Variants in SND1 observed in about 807,000 individuals in gnomAD.
SND1 encodes the protein staphylococcal nuclease domain-containing protein 1.
A neutral mutation model predicts 121.7 loss-of-function variants in SND1; 38 were observed. The ratio of observed to expected loss-of-function variants is 0.31; its 90% confidence interval spans 0.24 to 0.41. SND1 has a LOEUF of 0.41. Among genes scored for constraint, SND1 ranks in the 10% least tolerant of loss-of-function variants. SND1 has a pLI of 1.00. For synonymous variants in SND1, 401 were observed against 447.4 expected (o/e 0.90, Z 1.31); for missense variants, 868 against 1,184.6 (o/e 0.73, Z 3.92).
At chr7:127,715,175 T>C (rs1796365543) in intron 9 of SND1, among the ~76,000 whole-genome samples, 1 of 151,896 alleles carries the variant, frequency 6.6e-6, no homozygotes, top group Non-Finnish European at 1.5e-5. Flanking sequence ...TTTTTTTTTT[T>C]TATAGTGGCC....
At chr7:127,791,944 CT>C (rs1160775323) in intron 10 of SND1, among the ~76,000 whole-genome samples, 1 of 152,198 alleles carries the variant, frequency 6.6e-6, no homozygotes, top group Non-Finnish European at 1.5e-5. Flanking sequence ...TGAATGCAGC[CT>C]TCCTGTGATT....
intron 10 of SND1, among the ~76,000 whole-genome samples, chr7:127,781,501 AT>A (rs1797721077): frequency 6.6e-6 from 1 of 152,216 alleles, no homozygotes; most frequent in Admixed American, 6.6e-5. Flanking sequence ...CCTCCCAGTT[AT>A]GCCAAGTTGC....
At chr7:127,948,233 T>C (rs1302035992) in intron 15 of SND1, among the ~76,000 whole-genome samples, 2 of 152,206 alleles carry the variant, frequency 1.3e-5, no homozygotes, top group Non-Finnish European at 2.9e-5. Context: ...CTGATTCTCA[T>C]TGTCTGCCTT....
chr7:127,978,738 G>A (rs1032230223), intron 15 of SND1, among the ~76,000 whole-genome samples: 1 of 152,038 alleles, frequency 6.6e-6, no homozygotes, highest in Non-Finnish European at 1.5e-5. Context: ...GCTGTCACCT[G>A]TACTGATAAC....
intron 16 of SND1, among the ~76,000 whole-genome samples, chr7:128,022,631 C>T (rs1803383313): frequency 6.6e-6 from 1 of 152,250 alleles, no homozygotes; most frequent in African/African-American, 2.4e-5. Flanking sequence ...TTATATAACA[C>T]TCTTCCTCTG....
At chr7:127,899,711 T>G (rs185389169) in intron 13 of SND1, among the ~76,000 whole-genome samples, 1 of 152,290 alleles carries the variant, frequency 6.6e-6, no homozygotes, top group Admixed American at 6.5e-5. Flanking sequence ...GTGGGAGTGG[T>G]GTGCAATATT....
intron 16 of SND1, among the ~76,000 whole-genome samples, chr7:127,992,808 T>C (rs1802551137): frequency 6.6e-6 from 1 of 152,064 alleles, no homozygotes; most frequent in African/African-American, 2.4e-5. Context: ...CTAAAAGGAG[T>C]GAGTGGCCCA....
intron 16 of SND1, among the ~76,000 whole-genome samples, chr7:128,026,400 A>G (rs892141366): frequency 3.9e-5 from 6 of 152,158 alleles, no homozygotes; most frequent in Non-Finnish European, 7.4e-5. Context: ...TTCTTAGCCA[A>G]CTGCTGCAAA....
intron 11 of SND1, among the ~76,000 whole-genome samples, chr7:127,837,321 C>T (rs1356123456): frequency 6.6e-6 from 1 of 151,926 alleles, no homozygotes; most frequent in African/African-American, 2.4e-5. Context: ...AGATTTAATA[C>T]AAAAAAAGAT....
chr7:128,086,007 G>A (rs1793682352), intron 20 of SND1, among the ~76,000 whole-genome samples: 1 of 152,222 alleles, frequency 6.6e-6, no homozygotes, highest in Non-Finnish European at 1.5e-5. Flanking sequence ...AGACCCCACG[G>A]ATGAGTGTCC....
intron 9 of SND1, among the ~76,000 whole-genome samples, chr7:127,714,843 A>G (rs1034762999): frequency 6.6e-6 from 1 of 152,246 alleles, no homozygotes; most frequent in Non-Finnish European, 1.5e-5. Context: ...TTTTAAGGGT[A>G]AATAATATTC....
At position 127,939,543 on chromosome 7, in the gene SND1, G is replaced by A. The variant is rs188175948; in HGVS notation, c.1669+10214G>A. Among the ~76,000 whole-genome samples the A allele has an allele frequency of 6.6e-5, 10 of 152,216 alleles. No homozygotes were observed. In the South Asian group the frequency reaches 1.7e-3, roughly 25 times the overall value. ...TCCTGCTTCCTAATTAATTATTTCCGTCAGACTGGCCTGCTTATCTTGGTG... is the reference window on the plus strand; with the variant it reads ...TCCTGCTTCCTAATTAATTATTTCCATCAGACTGGCCTGCTTATCTTGGTG... On this transcript the variant is annotated intron_variant, in intron 15 of 23. Transcript: ENST00000354725.
At chr7:127,918,246 A>G (rs1800628401) in intron 14 of SND1, among the ~76,000 whole-genome samples, 1 of 150,142 alleles carries the variant, frequency 6.7e-6, no homozygotes, top group Admixed American at 6.6e-5. Flanking sequence ...TTTTTTTTTC[A>G]GTAGAGAAGG....
intron 10 of SND1, among the ~76,000 whole-genome samples, chr7:127,771,640 C>T (rs538095574): frequency 1.3e-5 from 2 of 152,222 alleles, no homozygotes; most frequent in African/African-American, 4.8e-5. Context: ...AAGCACCCCC[C>T]TATACACATA....
intron 11 of SND1, among the ~76,000 whole-genome samples, chr7:127,822,819 C>G (rs1308018667): frequency 2.0e-5 from 3 of 152,152 alleles, no homozygotes; most frequent in African/African-American, 7.2e-5. Context: ...CATTTAATAT[C>G]ATTGAATGTT....
intron 11 of SND1, among the ~76,000 whole-genome samples, chr7:127,822,326 A>G (rs1014801814): frequency 1.1e-4 from 16 of 152,178 alleles, no homozygotes; most frequent in Admixed American, 2.0e-4. Context: ...TTTCAATTCT[A>G]TGTGCTTACA....
chr7:127,807,520 C>T lies in SND1; in HGVS notation c.1189C>T (p.Pro397Ser). 6.2e-7 allele frequency: 1 copy of T among 1,613,986 alleles called. No homozygotes were observed. Among genetic ancestry groups the T allele is most frequent in the South Asian group, 1.1e-5 (1 of 91,080 alleles). Residue 397 changes from proline (P) to serine (S), a missense_variant, in exon 11 of 24, where the codon CCT (proline) becomes TCT (serine). Pro to Ser is a moderately conservative substitution (Grantham distance 74). Around this residue, in one of 2 missense-constraint regions of SND1, gnomAD observed 743 missense variants for 1,071.3 expected, o/e 0.69. Coordinates refer to ENST00000354725, the MANE Select transcript of SND1 (RefSeq NM_014390.4). ...GAAACTGCGTCCCCTGTATGACATT[C>T]CTTACATGTTTGAGGCCCGGGAATT... The part of the protein sequence containing the change: ...NKKLRPLYDI[P>S]YMFEAREFLR...
At chr7:128,065,123 G>A (rs369292405) in intron 16 of SND1, among the ~76,000 whole-genome samples, 8 of 152,214 alleles carry the variant, frequency 5.3e-5, no homozygotes, top group Non-Finnish European at 1.2e-4. Context: ...GTTAGATGCC[G>A]GTGAAAAAGG....
chr7:128,028,761 A>G, intron 16 of SND1: 1 of 1,614,010 alleles, frequency 6.2e-7, no homozygotes. Flanking sequence ...TGTGGGGTGC[A>G]GAGAGTTCCC....
Sources: gnomAD v4.1 joint callset for allele counts (sites outside exome capture counted in the v4.1 genomes callset) on GRCh38, gnomAD v4.1.1 for gene constraint, gnomAD v4.1.1 regional missense constraint, MANE v1.5 for transcripts, NCBI Gene and HGNC (gene_info 2026-07-23, HGNC 2026-07-21) for gene names.